The following TBCK variants were observed in gnomAD, a reference collection of about 807,000 sequenced individuals.
The protein encoded by TBCK is TBC domain-containing protein kinase-like protein.
A neutral mutation model predicts 113.4 loss-of-function variants in TBCK; 99 were observed. The observed-to-expected ratio is 0.87, with a 90% CI of 0.74 to 1.03. TBCK has a LOEUF of 1.03. Ranked by LOEUF, TBCK falls within the 50% of genes least tolerant of loss-of-function variation. The probability of loss-of-function intolerance (pLI) is 0.00; values close to 1 mark genes in which losing one functional copy is unlikely to be tolerated. For missense variants in TBCK, 1,045 were observed against 1,061.3 expected (o/e 0.98, Z 0.21); for synonymous variants, 369 against 370.8 (o/e 1.00, Z 0.05).
chr4:106,187,387 A>AT (rs1753144380), intron 22 of TBCK, among the ~76,000 whole-genome samples: 1 of 151,088 alleles, frequency 6.6e-6, no homozygotes, highest in Non-Finnish European at 1.5e-5. Flanking sequence ...ATGTTTTTCC[A>AT]TTTGTTTGTG....
chr4:106,194,769 AG>A lies in TBCK; in HGVS notation c.1861-16del, dbSNP rs768363753. The A allele has an allele frequency of 1.9e-6, 3 of 1,559,020 alleles. No individual in the cohort carries two copies. The highest frequency in any genetic ancestry group is 2.6e-6 in the Non-Finnish European group (3 of 1,156,698). ...ATGGCATAGAGCTATGAGTGGAAAA[AG>A]GGGTACAGGGAATGGATAAAAAGGA... On this transcript the variant is annotated splice_polypyrimidine_tract_variant and intron_variant, in intron 20 of 25. Coordinates refer to ENST00000394708, the MANE Select transcript of TBCK (RefSeq NM_001163435.3).
At chr4:106,213,964 CTCTG>C (rs1296561558) in intron 19 of TBCK, among the ~76,000 whole-genome samples, 1 of 152,200 alleles carries the variant, frequency 6.6e-6, no homozygotes, top group Admixed American at 6.5e-5. Flanking sequence ...ACTTAAATGT[CTCTG>C]TCTGACAGCT....
chr4:106,062,185 C>T (rs1736130984), intron 25 of TBCK, among the ~76,000 whole-genome samples: 1 of 151,812 alleles, frequency 6.6e-6, no homozygotes, highest in Admixed American at 6.6e-5. Flanking sequence ...ATAATAGTTT[C>T]TACTTTTAAA....
chr4:106,050,983 C>G (rs550510973), intron 25 of TBCK, among the ~76,000 whole-genome samples: 1 of 151,960 alleles, frequency 6.6e-6, no homozygotes, highest in Non-Finnish European at 1.5e-5. Context: ...GGGTGCCACT[C>G]TATCTTGTTT....
chr4:106,301,988 T>C (rs1308129917), intron 2 of TBCK, among the ~76,000 whole-genome samples: 1 of 152,182 alleles, frequency 6.6e-6, no homozygotes, highest in Non-Finnish European at 1.5e-5. Context: ...CTGAAATGAC[T>C]AGAATGTTTT....
chr4:106,229,527 C>A (rs547378520), intron 19 of TBCK, among the ~76,000 whole-genome samples: 2 of 152,004 alleles, frequency 1.3e-5, no homozygotes, highest in East Asian at 3.9e-4. Context: ...GTTCTTGACA[C>A]CTTTGTTGAA....
intron 24 of TBCK, among the ~76,000 whole-genome samples, chr4:106,101,500 A>G (rs1310204070): frequency 1.3e-5 from 2 of 152,192 alleles, no homozygotes; most frequent in East Asian, 3.8e-4. Flanking sequence ...AAGTTTTTAT[A>G]AATCAATTAT....
intron 2 of TBCK, among the ~76,000 whole-genome samples, chr4:106,307,275 A>C (rs1247105078): frequency 6.6e-6 from 1 of 152,186 alleles, no homozygotes; most frequent in Admixed American, 6.5e-5. Flanking sequence ...TCTGTGGTTT[A>C]ATTTTCTTAT....
At chr4:106,282,223 T>C (rs1764669399) in intron 3 of TBCK, among the ~76,000 whole-genome samples, 1 of 152,132 alleles carries the variant, frequency 6.6e-6, no homozygotes, top group South Asian at 2.1e-4. Context: ...CTAATGATCC[T>C]TTGAGTTTCT....
chr4:106,087,684 A>G (rs146090856), intron 25 of TBCK, among the ~76,000 whole-genome samples: 88 of 152,348 alleles, frequency 5.8e-4, no homozygotes, highest in Middle Eastern at 6.8e-3. Flanking sequence ...TTCAAACTAT[A>G]CTACATGGCT....
rs17036656 is a variant in TBCK at position 106,302,442 on chromosome 4, G to A, written c.193+6326C>T. On this transcript the variant is annotated intron_variant, in intron 2 of 25. Transcript: ENST00000394708. ...CCAAAGAGAATCATGCTATAACGCAGTTCCTAATTCGGTGTTTATAGAGGC... is the reference window on the plus strand; with the variant it reads ...CCAAAGAGAATCATGCTATAACGCAATTCCTAATTCGGTGTTTATAGAGGC... Among the ~76,000 whole-genome samples the A allele has an allele frequency of 8.0e-3, 1,226 of 152,308 alleles. 35 individuals carry two copies. Among genetic ancestry groups the A allele is most frequent in the East Asian group, 0.062 (321 of 5,182 alleles).
intron 18 of TBCK, among the ~76,000 whole-genome samples, chr4:106,231,057 C>T (rs75269320): frequency 0.013 from 2,030 of 151,800 alleles, 17 homozygotes; most frequent in Non-Finnish European, 0.022. Flanking sequence ...GATGCAAATT[C>T]GGTCATGAAA....
chr4:106,092,615 T>C lies in TBCK; in HGVS notation c.2571+2867A>G, dbSNP rs529869700. On this transcript the variant is annotated intron_variant, in intron 25 of 25. Coordinates refer to ENST00000394708, the MANE Select transcript of TBCK (RefSeq NM_001163435.3). ...GGTGGGCCAGCACTGCTGGGGGACC[T>C]GGCGCACCCTCCGCAGCTGCTGGCC... Among the ~76,000 whole-genome samples the C allele has an allele frequency of 1.6e-3, 247 of 152,298 alleles. 1 individual carries two copies. The highest frequency in any genetic ancestry group is 2.8e-3 in the Non-Finnish European group (189 of 68,008).
intron 23 of TBCK, among the ~76,000 whole-genome samples, chr4:106,129,962 T>G (rs1336196789): frequency 6.6e-6 from 1 of 152,228 alleles, no homozygotes; most frequent in African/African-American, 2.4e-5. Context: ...CAAAGGTCAC[T>G]GTGCTTCTGA....
chr4:106,051,359 GACTA>G (rs1452339246), intron 25 of TBCK, among the ~76,000 whole-genome samples: 14 of 151,828 alleles, frequency 9.2e-5, no homozygotes, highest in African/African-American at 2.2e-4. Flanking sequence ...AATTGGCATG[GACTA>G]ACTAAGACCC....
At position 106,046,553 on chromosome 4, in the gene TBCK, G is replaced by A. The variant is rs780172879; in HGVS notation, c.*17C>T. 1.4e-5 allele frequency: 21 copies of A among 1,455,008 alleles called. No individual in the cohort carries two copies. In the African/African-American group the frequency reaches 2.8e-4, roughly 19 times the overall value. 90.1% of individuals were successfully genotyped at this position (1,455,008 alleles called of 1,614,324 possible). Reference sequence around the variant, plus strand: ...GCTGATGCCACACTAAGTTTTGGCAGTCACACTCTTGGTTCTTCATATTTG... The same window carrying A: ...GCTGATGCCACACTAAGTTTTGGCAATCACACTCTTGGTTCTTCATATTTG... On this transcript the variant is annotated 3_prime_UTR_variant, in exon 26 of 26. Transcript: ENST00000394708.
chr4:106,089,891 G>A (rs1290718549), intron 25 of TBCK, among the ~76,000 whole-genome samples: 2 of 152,224 alleles, frequency 1.3e-5, no homozygotes, highest in Non-Finnish European at 1.5e-5. Flanking sequence ...GCTGTCACAG[G>A]TTGGAGTTGA....
At chr4:106,084,799 G>T (rs1739310786) in intron 25 of TBCK, among the ~76,000 whole-genome samples, 1 of 152,158 alleles carries the variant, frequency 6.6e-6, no homozygotes, top group Non-Finnish European at 1.5e-5. Flanking sequence ...CATTCTTAAA[G>T]AATTTTCAAC....
In TBCK at chr4:106,042,275, A is replaced by T. The variant is rs1433207630; in HGVS notation, c.*4295T>A. ...TACTAGTTACAACTGATAGAATGAAATATCTGCCAACCCTTTCTATATAGT... is the reference window on the plus strand; with the variant it reads ...TACTAGTTACAACTGATAGAATGAATTATCTGCCAACCCTTTCTATATAGT... On this transcript the variant is annotated 3_prime_UTR_variant, in exon 26 of 26. Coordinates refer to ENST00000394708, the MANE Select transcript of TBCK (RefSeq NM_001163435.3). 1 of 152,214 alleles carries T rather than the reference A, an allele frequency of 6.6e-6. No homozygotes were observed. The highest frequency in any genetic ancestry group is 1.5e-5 in the Non-Finnish European group (1 of 68,034). 9.4% of individuals were successfully genotyped at this position (152,214 alleles called of 1,614,324 possible). A position where few individuals can be genotyped will look rare whatever the true frequency, so the allele number is the denominator to read the frequency against.
Sources: allele counts gnomAD v4.1 joint callset (sites outside exome capture counted in the v4.1 genomes callset), GRCh38; gene constraint gnomAD v4.1.1; transcripts MANE v1.5; gene names NCBI Gene and HGNC (gene_info 2026-07-23, HGNC 2026-07-21).